Variants in ABCA13 observed in about 807,000 individuals in gnomAD.
ABCA13 encodes ATP binding cassette subfamily A member 13, also known as ATP-binding cassette sub-family A member 13.
A neutral mutation model predicts 478.7 loss-of-function variants in ABCA13; 476 were observed. That is an observed-to-expected ratio of 0.99 (90% CI 0.92 to 1.07). The LOEUF (loss-of-function observed/expected upper bound fraction) is 1.07, where lower values mean the gene tolerates loss of function less well. ABCA13 is among the 50% of genes least tolerant of loss of function. The probability of loss-of-function intolerance (pLI) is 0.00; values close to 1 mark genes in which losing one functional copy is unlikely to be tolerated. For synonymous variants in ABCA13, 2,252 were observed against 2,158.9 expected (o/e 1.04, Z -1.20); for missense variants, 6,060 against 5,910.6 (o/e 1.03, Z -0.83).
At chr7:48,207,268 G>C (rs976715888) in intron 3 of ABCA13, among the ~76,000 whole-genome samples, 2 of 151,608 alleles carry the variant, frequency 1.3e-5, no homozygotes, top group Non-Finnish European at 2.9e-5. Flanking sequence ...AAACATGAGA[G>C]TGCAGATGTC....
chr7:48,415,356 C>T (rs946838759), intron 41 of ABCA13, among the ~76,000 whole-genome samples: 1 of 151,998 alleles, frequency 6.6e-6, no homozygotes, highest in African/African-American at 2.4e-5. Context: ...TCAAAAAAGC[C>T]CAGACTTCTT....
At chr7:48,297,522 C>T (rs1397698192) in intron 22 of ABCA13, among the ~76,000 whole-genome samples, 2 of 152,126 alleles carry the variant, frequency 1.3e-5, no homozygotes, top group African/African-American at 2.4e-5. Context: ...CAAAGAGAAG[C>T]TTCTGTGGTC....
intron 42 of ABCA13, among the ~76,000 whole-genome samples, chr7:48,429,915 T>C (rs1821915001): frequency 1.3e-5 from 2 of 152,198 alleles, no homozygotes; most frequent in South Asian, 4.1e-4. Flanking sequence ...TACCCGGTCA[T>C]GTCATATATT....
intron 1 of ABCA13, among the ~76,000 whole-genome samples, chr7:48,182,277 T>C (rs1412724663): frequency 6.6e-6 from 1 of 152,230 alleles, no homozygotes; most frequent in Non-Finnish European, 1.5e-5. Context: ...ATTTCTAATT[T>C]TTTTGCAGTT....
intron 28 of ABCA13, among the ~76,000 whole-genome samples, chr7:48,336,653 C>T (rs1331299771): frequency 1.3e-5 from 2 of 152,146 alleles, no homozygotes; most frequent in East Asian, 1.9e-4. Flanking sequence ...CCATGGGAGG[C>T]GTGGCCTCAG....
At chr7:48,392,571 C>T (rs1312453256) in intron 38 of ABCA13, among the ~76,000 whole-genome samples, 1 of 152,150 alleles carries the variant, frequency 6.6e-6, no homozygotes, top group Non-Finnish European at 1.5e-5. Context: ...GTCACACACA[C>T]ACACAAAGAT....
In ABCA13 at chr7:48,227,449, CTAAG is replaced by C. The variant is rs767102643; in HGVS notation, c.632+27_632+30del. 7 of 1,611,314 alleles carry C rather than the reference CTAAG, an allele frequency of 4.3e-6. No individual in the cohort carries two copies. The East Asian group carries it at 6.7e-5, about 15-fold the overall frequency. ...AAGTGAGTGAAAAAGAAAAACATAA[CTAAG>C]TATCAATATGTTGTTTTTTTACCTT... is the stretch of plus-strand genomic sequence containing the variant. On this transcript the variant is annotated intron_variant, in intron 6 of 61. Transcript: ENST00000435803.
At chr7:48,466,490 T>G (rs1034011712) in intron 43 of ABCA13, among the ~76,000 whole-genome samples, 2 of 152,236 alleles carry the variant, frequency 1.3e-5, no homozygotes, top group African/African-American at 2.4e-5. Context: ...AAATGATATT[T>G]CTTACATTAG....
At chr7:48,394,420 C>T (rs1238106830) in intron 38 of ABCA13, among the ~76,000 whole-genome samples, 2 of 152,146 alleles carry the variant, frequency 1.3e-5, no homozygotes, top group Non-Finnish European at 2.9e-5. Flanking sequence ...GCCTCACTGC[C>T]GTCCTGGCTC....
At chr7:48,183,846 C>A (rs1254411877) in intron 1 of ABCA13, among the ~76,000 whole-genome samples, 1 of 152,094 alleles carries the variant, frequency 6.6e-6, no homozygotes, top group Admixed American at 6.5e-5. Context: ...TTTTCTTTCG[C>A]AAGTAATGTT....
intron 41 of ABCA13, among the ~76,000 whole-genome samples, chr7:48,414,746 G>C (rs1223455840): frequency 6.6e-6 from 1 of 152,040 alleles, no homozygotes; most frequent in East Asian, 1.9e-4. Context: ...GAGACTATAG[G>C]TGTGTGCCAC....
chr7:48,517,642 G>A lies in ABCA13; in HGVS notation c.13797+761G>A, dbSNP rs183710261. Among the ~76,000 whole-genome samples the A allele has an allele frequency of 1.8e-3, 273 of 152,186 alleles. 1 individual carries two copies. The highest frequency in any genetic ancestry group is 3.2e-3 in the Non-Finnish European group (216 of 68,006). On this transcript the variant is annotated intron_variant, in intron 52 of 61. Coordinates refer to ENST00000435803, the MANE Select transcript of ABCA13 (RefSeq NM_152701.5). ...TGCCTCTGCTTTAATACATCTTTCA[G>A]CCCCTCAGCATCCCCAGTGCTACCT...
chr7:48,630,978 G>A (rs1586042403), intron 59 of ABCA13, among the ~76,000 whole-genome samples: 1 of 151,508 alleles, frequency 6.6e-6, no homozygotes, highest in African/African-American at 2.4e-5. Flanking sequence ...GTCTCTTCTT[G>A]TCTTTTGCCC....
intron 15 of ABCA13, among the ~76,000 whole-genome samples, chr7:48,257,185 G>A (rs1793518265): frequency 6.6e-6 from 1 of 152,038 alleles, no homozygotes; most frequent in Non-Finnish European, 1.5e-5. Flanking sequence ...AGGGGCTCTG[G>A]GGCAGACTAT....
intron 15 of ABCA13, among the ~76,000 whole-genome samples, chr7:48,252,441 T>C (rs919965592): frequency 6.6e-6 from 1 of 152,218 alleles, no homozygotes; most frequent in South Asian, 2.1e-4. Flanking sequence ...CAAACCTAGA[T>C]GGTATAGCTT....
At chr7:48,534,481 C>G (rs910533238) in intron 55 of ABCA13, among the ~76,000 whole-genome samples, 2 of 152,060 alleles carry the variant, frequency 1.3e-5, no homozygotes, top group South Asian at 4.2e-4. Flanking sequence ...TTCCTTAAAA[C>G]GTAGGTGATG....
rs150926399 is a variant in ABCA13, at chr7:48,591,556, C to G, written c.14641-3154C>G. Among the ~76,000 whole-genome samples, 95 of 151,986 alleles carry G rather than the reference C, an allele frequency of 6.3e-4. No individual in the cohort carries two copies. In the East Asian group the frequency reaches 0.018, roughly 29 times the overall value. ...TAGGAATAGCACTGAGTCTGTAGAT[C>G]GCTTTGGGTAATATGGACATTTAAA... is the stretch of plus-strand genomic sequence containing the variant. On this transcript the variant is annotated intron_variant, in intron 57 of 61. Transcript: ENST00000435803.
chr7:48,197,409 G>C (rs1016047014), intron 2 of ABCA13, among the ~76,000 whole-genome samples: 1 of 152,190 alleles, frequency 6.6e-6, no homozygotes, highest in African/African-American at 2.4e-5. Context: ...AGGTGTGGTA[G>C]AATGAACATT....
intron 31 of ABCA13, among the ~76,000 whole-genome samples, chr7:48,357,325 C>T (rs1810088928): frequency 6.6e-6 from 1 of 151,958 alleles, no homozygotes; most frequent in South Asian, 2.1e-4. Flanking sequence ...AGCAGAAATT[C>T]CCATTCTTGA....
Sources: gnomAD v4.1 joint callset for allele counts (sites outside exome capture counted in the v4.1 genomes callset) on GRCh38, gnomAD v4.1.1 for gene constraint, MANE v1.5 for transcripts, NCBI Gene and HGNC (gene_info 2026-07-23, HGNC 2026-07-21) for gene names.